The following CNTN6 variants were observed in gnomAD, a reference collection of about 807,000 sequenced individuals.
CNTN6 encodes the protein contactin 6.
Under a neutral mutation model 122.8 loss-of-function variants are expected in CNTN6, and 137 were observed. That is an observed-to-expected ratio of 1.12 (90% CI 0.97 to 1.29). The LOEUF is 1.29. Ranked by LOEUF, CNTN6 falls within the 50% of genes most tolerant of loss-of-function variation. The probability of loss-of-function intolerance (pLI) is 0.00; values close to 1 mark genes in which losing one functional copy is unlikely to be tolerated. For missense variants in CNTN6, 1,634 were observed against 1,223.4 expected, an observed-to-expected ratio of 1.34 and a Z score of -5.01; for synonymous variants, 570 against 426.0, an observed-to-expected ratio of 1.34 and a Z score of -4.16.
chr3:1,139,008 A>C (rs1047370246), intron 1 of CNTN6, among the ~76,000 whole-genome samples: 9 of 152,274 alleles, frequency 5.9e-5, no homozygotes, highest in Middle Eastern at 3.4e-3. Context: ...TTACCACTAG[A>C]AACTTCTCTC....
At chr3:1,325,006 AAAGGAGAGGGATTAAT>A (rs1701338028) in intron 8 of CNTN6, among the ~76,000 whole-genome samples, 1 of 151,832 alleles carries the variant, frequency 6.6e-6, no homozygotes, top group African/African-American at 2.4e-5. Context: ...AGAACTAAAT[AAAGGAGAGGGATTAAT>A]TGGCACCTCC....
intron 4 of CNTN6, among the ~76,000 whole-genome samples, chr3:1,276,527 T>C (rs1692397075): frequency 1.3e-5 from 2 of 152,220 alleles, no homozygotes; most frequent in Non-Finnish European, 2.9e-5. Context: ...CTTGCTACTG[T>C]GCTTGCTCTG....
intron 4 of CNTN6, among the ~76,000 whole-genome samples, chr3:1,275,700 G>A (rs962090404): frequency 3.3e-5 from 5 of 152,210 alleles, no homozygotes; most frequent in Admixed American, 6.5e-5. Context: ...CAGATCATCA[G>A]GCATTAGGTT....
intron 20 of CNTN6, chr3:1,394,461 G>A (rs939788208): frequency 5.7e-5 from 9 of 157,710 alleles, no homozygotes; most frequent in Middle Eastern, 3.0e-3. Context: ...GCTGGGTGAC[G>A]GGTTGACAGT....
At chr3:1,401,017 A>C (rs190320059) in intron 20 of CNTN6, among the ~76,000 whole-genome samples, 1 of 152,266 alleles carries the variant, frequency 6.6e-6, no homozygotes, top group East Asian at 1.9e-4. Context: ...GTTAAAAAGT[A>C]AAGAATTTTA....
intron 11 of CNTN6, among the ~76,000 whole-genome samples, chr3:1,337,487 T>C (rs1703240353): frequency 6.6e-6 from 1 of 152,178 alleles, no homozygotes; most frequent in Non-Finnish European, 1.5e-5. Flanking sequence ...CAAAGCAGGC[T>C]TCTCTACCCC....
At chr3:1,260,607 C>T (rs1245563931) in intron 4 of CNTN6, among the ~76,000 whole-genome samples, 1 of 151,870 alleles carries the variant, frequency 6.6e-6, no homozygotes, top group Non-Finnish European at 1.5e-5. Flanking sequence ...TGGCTGTGTC[C>T]CTGCCCAAAT....
intron 2 of CNTN6, among the ~76,000 whole-genome samples, chr3:1,198,820 TAA>T (rs1209682955): frequency 6.6e-6 from 1 of 152,162 alleles, no homozygotes; most frequent in Non-Finnish European, 1.5e-5. Flanking sequence ...ACTCAGAAAC[TAA>T]GAGTGCGATC....
intron 2 of CNTN6, among the ~76,000 whole-genome samples, chr3:1,206,849 T>C (rs746795933): frequency 2.6e-5 from 4 of 152,146 alleles, no homozygotes; most frequent in Admixed American, 1.3e-4. Context: ...ATTCAGCTTC[T>C]TTAATTTTAG....
At chr3:1,335,279 C>T (rs371660207) in intron 11 of CNTN6, among the ~76,000 whole-genome samples, 18 of 152,238 alleles carry the variant, frequency 1.2e-4, no homozygotes, top group East Asian at 3.9e-4. Context: ...TTGCTGTCAT[C>T]GTAACTTGTA....
chr3:1,368,401 G>C (rs1056472324), intron 12 of CNTN6, among the ~76,000 whole-genome samples: 1 of 152,158 alleles, frequency 6.6e-6, no homozygotes, highest in African/African-American at 2.4e-5. Flanking sequence ...AGAATCATCA[G>C]CTCTAGATAT....
At chr3:1,200,729 G>A (rs952435417) in intron 2 of CNTN6, among the ~76,000 whole-genome samples, 1 of 152,074 alleles carries the variant, frequency 6.6e-6, no homozygotes, top group East Asian at 1.9e-4. Flanking sequence ...AAGCCCTCAG[G>A]ATTAGTTCCT....
In CNTN6 at chr3:1,297,883, T is replaced by G; in HGVS notation, c.659-6T>G. On this transcript the variant is annotated splice_polypyrimidine_tract_variant and splice_region_variant and intron_variant, in intron 6 of 22. Coordinates refer to ENST00000446702, the MANE Select transcript of CNTN6 (RefSeq NM_001289080.2). The stretch of plus-strand genomic sequence containing the variant: ...AAATGCTGCTAGCTCTTTTGATATT[T>G]AACAGGTGTGATGGGGGAATATGAA... The G allele has an allele frequency of 6.2e-7, 1 of 1,603,732 alleles. No individual in the cohort carries two copies.
rs1559595525 is a variant in CNTN6, at chr3:1,245,226, ATATATATATACACACAC to A, written c.358+17234_358+17250del. On this transcript the variant is annotated intron_variant, in intron 4 of 22. Transcript: ENST00000446702. The stretch of plus-strand genomic sequence containing the variant: ...TATATATATATATATATATATATAT[ATATATATATACACACAC>A]ACATATATATATAACATATATATAT... Among the ~76,000 whole-genome samples, 119 of 15,576 alleles carry A rather than the reference ATATATATATACACACAC, an allele frequency of 7.6e-3. 1 individual carries two copies. Among genetic ancestry groups the A allele is most frequent in the Non-Finnish European group, 9.8e-3 (86 of 8,738 alleles). The allele number at this position is 15,576 out of a possible 152,430, so 10.2% of individuals were successfully genotyped here. A position where few individuals can be genotyped will look rare whatever the true frequency, so the allele number is the denominator to read the frequency against.
chr3:1,198,479 T>A (rs2093810175), intron 2 of CNTN6, among the ~76,000 whole-genome samples: 1 of 152,144 alleles, frequency 6.6e-6, no homozygotes. Flanking sequence ...TCTCAGGGCT[T>A]TGGGTGGCCA....
chr3:1,386,549 G>A (rs1002009903), intron 20 of CNTN6, among the ~76,000 whole-genome samples: 1 of 152,050 alleles, frequency 6.6e-6, no homozygotes, highest in Admixed American at 6.6e-5. Context: ...TCCATAATAC[G>A]AGGCACAGCA....
chr3:1,336,685 T>G (rs1433901237), intron 11 of CNTN6, among the ~76,000 whole-genome samples: 1 of 152,138 alleles, frequency 6.6e-6, no homozygotes, highest in African/African-American at 2.4e-5. Context: ...TGCATGTACC[T>G]TGTGGGAAAG....
chr3:1,372,964 A>C lies in CNTN6; in HGVS notation c.1786+9A>C, dbSNP rs1215891572. 2.1e-6 allele frequency: 3 copies of C among 1,455,758 alleles called. No homozygotes were observed. Among genetic ancestry groups the C allele is most frequent in the Non-Finnish European group, 2.9e-6 (3 of 1,046,288 alleles). The allele number at this position is 1,455,758 out of a possible 1,614,324, so 90.2% of individuals were successfully genotyped here. A position where few individuals can be genotyped will look rare whatever the true frequency, so the allele number is the denominator to read the frequency against. On this transcript the variant is annotated intron_variant, in intron 14 of 22. Transcript: ENST00000446702. ...CGATATCATTGTTAGAGGTAAGCATAAATGGTGAAAAAGTGATCACATTGT... is the reference window on the plus strand; with the variant it reads ...CGATATCATTGTTAGAGGTAAGCATCAATGGTGAAAAAGTGATCACATTGT...
chr3:1,309,072 A>G (rs1698826029), intron 7 of CNTN6, among the ~76,000 whole-genome samples: 1 of 152,134 alleles, frequency 6.6e-6, no homozygotes. Context: ...ATTTTCTCCC[A>G]GTCTGTGACT....
Sources: gnomAD v4.1 joint callset for allele counts (sites outside exome capture counted in the v4.1 genomes callset) on GRCh38, gnomAD v4.1.1 for gene constraint, MANE v1.5 for transcripts, NCBI Gene and HGNC (gene_info 2026-07-23, HGNC 2026-07-21) for gene names.